LOC128706666: variants seen among roughly 807,000 people sequenced by gnomAD.
the LOC128706666 span, among the ~76,000 whole-genome samples, chr20:10,431,230 A>G: frequency 6.6e-6 from 1 of 152,168 alleles, no homozygotes; most frequent in Non-Finnish European, 1.5e-5. Flanking sequence ...GAATATTTTG[A>G]CTAAAATTGG....
At chr20:10,432,210 A>C in the LOC128706666 span, among the ~76,000 whole-genome samples, 1 of 152,224 alleles carries the variant, frequency 6.6e-6, no homozygotes, top group African/African-American at 2.4e-5. Context: ...CCAGCACTAG[A>C]GTTCCTGTGG....
chr20:10,430,541 A>C, the LOC128706666 span, among the ~76,000 whole-genome samples: 2 of 152,232 alleles, frequency 1.3e-5, no homozygotes, highest in Non-Finnish European at 2.9e-5. Flanking sequence ...ATTAATGCCC[A>C]AACTAAGGGA....
At chr20:10,423,819 A>T in the LOC128706666 span, among the ~76,000 whole-genome samples, 2 of 152,232 alleles carry the variant, frequency 1.3e-5, no homozygotes, top group Non-Finnish European at 2.9e-5. Flanking sequence ...ATCAGTATCT[A>T]TTTTAACTGA....
chr20:10,430,297 C>T, the LOC128706666 span, among the ~76,000 whole-genome samples: 1 of 152,194 alleles, frequency 6.6e-6, no homozygotes, highest in East Asian at 1.9e-4. Flanking sequence ...TACCACTTTA[C>T]AACTGGCTGT....
the LOC128706666 span, among the ~76,000 whole-genome samples, chr20:10,429,208 T>G: frequency 2.0e-5 from 3 of 152,182 alleles, no homozygotes; most frequent in East Asian, 5.8e-4. Flanking sequence ...GTTCTGACCA[T>G]AAAGATCACC....
chr20:10,424,690 C>T, the LOC128706666 span, among the ~76,000 whole-genome samples: 23 of 152,180 alleles, frequency 1.5e-4, no homozygotes, highest in Admixed American at 4.6e-4. Context: ...TACAATCAAA[C>T]ATATTTTGGG....
chr20:10,424,537 T>C, the LOC128706666 span, among the ~76,000 whole-genome samples: 2 of 152,172 alleles, frequency 1.3e-5, no homozygotes, highest in African/African-American at 4.8e-5. Flanking sequence ...GCAAGACACA[T>C]TAGACCTTAC....
chr20:10,427,029 GACACACAC>G, the LOC128706666 span, among the ~76,000 whole-genome samples: 6,100 of 130,710 alleles, frequency 0.047, 175 homozygotes, highest in Admixed American at 0.06. Context: ...AGAAAACACT[GACACACAC>G]ACACACACAC....
chr20:10,420,038 G>A, the LOC128706666 span, among the ~76,000 whole-genome samples: 1 of 152,152 alleles, frequency 6.6e-6, no homozygotes, highest in South Asian at 2.1e-4. Flanking sequence ...TTGAATTTTG[G>A]AATTATGGAT....
the LOC128706666 span, among the ~76,000 whole-genome samples, chr20:10,421,055 C>G: frequency 1.3e-5 from 2 of 152,156 alleles, no homozygotes; most frequent in African/African-American, 4.8e-5. Flanking sequence ...AACACACATG[C>G]ATGGAGTGTT....
chr20:10,417,136 A>G, the LOC128706666 span, among the ~76,000 whole-genome samples: 3 of 151,962 alleles, frequency 2.0e-5, no homozygotes, highest in African/African-American at 7.3e-5. Flanking sequence ...CTGTAATCCC[A>G]GTTACTCGGG....
the LOC128706666 span, among the ~76,000 whole-genome samples, chr20:10,417,757 A>G: frequency 6.6e-6 from 1 of 152,204 alleles, no homozygotes; most frequent in Non-Finnish European, 1.5e-5. Flanking sequence ...ATTCCACAGT[A>G]CCATCCATGA....
chr20:10,424,401 A>C, the LOC128706666 span, among the ~76,000 whole-genome samples: 1 of 152,114 alleles, frequency 6.6e-6, no homozygotes, highest in Non-Finnish European at 1.5e-5. Flanking sequence ...TTTTAAAAGA[A>C]AAAACATATA....
chr20:10,421,242 C>T, the LOC128706666 span, among the ~76,000 whole-genome samples: 1 of 151,898 alleles, frequency 6.6e-6, no homozygotes, highest in East Asian at 1.9e-4. Flanking sequence ...CCAGCCTAGC[C>T]AACACAGTGA....
At chr20:10,424,923 G>A in the LOC128706666 span, among the ~76,000 whole-genome samples, 1 of 151,834 alleles carries the variant, frequency 6.6e-6, no homozygotes, top group Non-Finnish European at 1.5e-5. Context: ...TGTGGTGGCA[G>A]GCGCCTGTAA....
the LOC128706666 span, among the ~76,000 whole-genome samples, chr20:10,423,138 T>G: frequency 6.6e-6 from 1 of 152,132 alleles, no homozygotes; most frequent in Non-Finnish European, 1.5e-5. Context: ...AAACCCTAGC[T>G]TATAAAAAGA....
chr20:10,418,475 T>C, the LOC128706666 span, among the ~76,000 whole-genome samples: 1 of 152,194 alleles, frequency 6.6e-6, no homozygotes, highest in Non-Finnish European at 1.5e-5. Flanking sequence ...ACTTCAACTA[T>C]TCGGAATTTG....
At chr20:10,429,716 T>C in the LOC128706666 span, among the ~76,000 whole-genome samples, 2 of 152,160 alleles carry the variant, frequency 1.3e-5, no homozygotes, top group Admixed American at 1.3e-4. Context: ...AAGTGTTTCT[T>C]TACATAATCC....
At chr20:10,426,432 G>C in the LOC128706666 span, among the ~76,000 whole-genome samples, 1 of 152,182 alleles carries the variant, frequency 6.6e-6, no homozygotes, top group Non-Finnish European at 1.5e-5. Context: ...TTTTGGGACA[G>C]TCTCACTCTG....
Sources: allele counts gnomAD v4.1 joint callset (sites outside exome capture counted in the v4.1 genomes callset), GRCh38; gene constraint gnomAD v4.1.1; transcripts MANE v1.5.